Variants in SYT9 observed in about 807,000 individuals in gnomAD.
SYT9 encodes synaptotagmin-9.
Under a neutral mutation model 48.4 loss-of-function variants are expected in SYT9, and 22 were observed. That is an observed-to-expected ratio of 0.45 (90% CI 0.32 to 0.65). The LOEUF is 0.65. Among genes scored for constraint, SYT9 ranks in the 30% least tolerant of loss-of-function variants. SYT9 has a pLI of 0.03. For missense variants in SYT9, 577 were observed against 622.0 expected, an observed-to-expected ratio of 0.93 and a Z score of 0.77; for synonymous variants, 265 against 245.0, an observed-to-expected ratio of 1.08 and a Z score of -0.76.
intron 6 of SYT9, among the ~76,000 whole-genome samples, chr11:7,433,774 A>T (rs1161058137): frequency 6.6e-6 from 1 of 152,250 alleles, no homozygotes; most frequent in Non-Finnish European, 1.5e-5. Context: ...CAAATCAGCT[A>T]GCACCTTATC....
intron 3 of SYT9, among the ~76,000 whole-genome samples, chr11:7,353,852 A>G (rs1849965502): frequency 6.6e-6 from 1 of 152,208 alleles, no homozygotes; most frequent in Non-Finnish European, 1.5e-5. Context: ...TATCAATTAT[A>G]TTCATGTATT....
chr11:7,266,169 G>C (rs1442802725), intron 1 of SYT9, among the ~76,000 whole-genome samples: 1 of 152,038 alleles, frequency 6.6e-6, no homozygotes, highest in Non-Finnish European at 1.5e-5. Flanking sequence ...AATTATTTCA[G>C]AGGGAATGAG....
chr11:7,277,966 C>T (rs1848428483), intron 1 of SYT9, among the ~76,000 whole-genome samples: 1 of 152,098 alleles, frequency 6.6e-6, no homozygotes, highest in South Asian at 2.1e-4. Context: ...ATATCTGAAA[C>T]TGAGTAATTT....
chr11:7,311,209 G>A (rs1336307760), intron 2 of SYT9, among the ~76,000 whole-genome samples: 1 of 152,214 alleles, frequency 6.6e-6, no homozygotes, highest in Non-Finnish European at 1.5e-5. Context: ...GGCTGAGGTA[G>A]GAGAATTGCT....
chr11:7,369,957 A>G (rs181463845), intron 3 of SYT9, among the ~76,000 whole-genome samples: 1 of 151,974 alleles, frequency 6.6e-6, no homozygotes, highest in Non-Finnish European at 1.5e-5. Flanking sequence ...TACATGAGTA[A>G]GTTGTTTAAC....
In SYT9 at chr11:7,417,904, A is replaced by G. The variant is rs114820213; in HGVS notation, c.1166-53A>G. The G allele has an allele frequency of 3.2e-5, 51 of 1,569,536 alleles. No individual in the cohort carries two copies. The East Asian group carries it at 1.1e-3, about 33-fold the overall frequency. On this transcript the variant is annotated intron_variant, in intron 4 of 6. Coordinates refer to ENST00000318881, the MANE Select transcript of SYT9 (RefSeq NM_175733.4). ...AAAACTCACAGTGATATAACTGCCC[A>G]CCTAAATCTATACGTATCCTCACAG...
intron 1 of SYT9, among the ~76,000 whole-genome samples, chr11:7,287,042 A>G (rs1848609301): frequency 6.6e-6 from 1 of 152,156 alleles, no homozygotes; most frequent in African/African-American, 2.4e-5. Flanking sequence ...TGCGGTACCA[A>G]TTTACCGTGA....
rs1040710277 is a variant in SYT9, at chr11:7,282,683, G to A, written c.146-20356G>A. On this transcript the variant is annotated intron_variant, in intron 1 of 6. Transcript: ENST00000318881. The stretch of plus-strand genomic sequence containing the variant: ...GAGTAGCCTGTAGGCAGCATGGTGG[G>A]AAGTCCCTGAGAGGAGAAACATTCT... Among the ~76,000 whole-genome samples, 7 of 152,210 alleles carry A rather than the reference G, an allele frequency of 4.6e-5. No homozygotes were observed. The East Asian group carries it at 1.4e-3, about 29-fold the overall frequency.
chr11:7,405,292 TAGATATC>T (rs1160621138), intron 3 of SYT9, among the ~76,000 whole-genome samples: 3 of 152,130 alleles, frequency 2.0e-5, no homozygotes, highest in African/African-American at 7.2e-5. Flanking sequence ...CTCTACCCAC[TAGATATC>T]AGTAACACAC....
At chr11:7,248,096 C>G (rs1479801945), upstream of SYT9, among the ~76,000 whole-genome samples, 1 of 151,960 alleles carries the variant, frequency 6.6e-6, no homozygotes, top group African/African-American at 2.4e-5. Flanking sequence ...ACCATTTTTT[C>G]ATGTTTGTTG....
intron 2 of SYT9, among the ~76,000 whole-genome samples, chr11:7,307,797 G>T (rs1849059615): frequency 6.6e-6 from 1 of 152,230 alleles, no homozygotes; most frequent in Non-Finnish European, 1.5e-5. Context: ...GTGAGCTACT[G>T]TAGAGAAAGT....
intron 3 of SYT9, chr11:7,314,166 C>A (rs1225931592): frequency 3.0e-6 from 2 of 677,900 alleles, no homozygotes; most frequent in African/African-American, 1.8e-5. Flanking sequence ...GAATAACATT[C>A]TCTCTTTTCT....
intron 1 of SYT9, among the ~76,000 whole-genome samples, chr11:7,297,433 A>G (rs1848834479): frequency 1.3e-5 from 2 of 152,230 alleles, no homozygotes; most frequent in African/African-American, 4.8e-5. Context: ...AGAACACATA[A>G]CCACAATACA....
chr11:7,266,548 G>T (rs368547872), intron 1 of SYT9, among the ~76,000 whole-genome samples: 1 of 152,092 alleles, frequency 6.6e-6, no homozygotes, highest in African/African-American at 2.4e-5. Flanking sequence ...GATCCACTCT[G>T]CACGCTGATA....
At chr11:7,345,087 G>A (rs552921036) in intron 3 of SYT9, among the ~76,000 whole-genome samples, 5 of 152,186 alleles carry the variant, frequency 3.3e-5, no homozygotes, top group African/African-American at 9.6e-5. Flanking sequence ...TTAGTACATC[G>A]TCTTTACCTT....
chr11:7,340,028 A>C (rs879817247), intron 3 of SYT9, among the ~76,000 whole-genome samples: 1 of 152,124 alleles, frequency 6.6e-6, no homozygotes, highest in Admixed American at 6.6e-5. Flanking sequence ...ACATAATCCC[A>C]TATTTCTCAG....
chr11:7,249,216 A>G (rs922443077), upstream of SYT9, among the ~76,000 whole-genome samples: 2 of 152,206 alleles, frequency 1.3e-5, no homozygotes, highest in Admixed American at 1.3e-4. Flanking sequence ...TCCCTTCTGT[A>G]TGATATTCTT....
At chr11:7,341,615 C>G (rs1220769323) in intron 3 of SYT9, among the ~76,000 whole-genome samples, 2 of 152,100 alleles carry the variant, frequency 1.3e-5, no homozygotes, top group South Asian at 4.1e-4. Flanking sequence ...ATAAATTACC[C>G]AGTCTTAGAT....
At chr11:7,355,724 G>A (rs1850008905) in intron 3 of SYT9, among the ~76,000 whole-genome samples, 1 of 152,238 alleles carries the variant, frequency 6.6e-6, no homozygotes, top group Admixed American at 6.5e-5. Context: ...AGATCATCTG[G>A]TCAAATGATA....
Sources: gnomAD v4.1 joint callset for allele counts (sites outside exome capture counted in the v4.1 genomes callset) on GRCh38, gnomAD v4.1.1 for gene constraint, MANE v1.5 for transcripts, NCBI Gene and HGNC (gene_info 2026-07-23, HGNC 2026-07-21) for gene names.